The following TFEC variants were observed in gnomAD, a reference collection of about 807,000 sequenced individuals.
TFEC encodes the protein transcription factor EC.
TFEC carries 31 observed loss-of-function variants against 41.6 expected under a neutral mutation model. That is an observed-to-expected ratio of 0.74 (90% CI 0.56 to 1.01). The LOEUF (loss-of-function observed/expected upper bound fraction) is 1.01, where lower values mean the gene tolerates loss of function less well. Ranked by LOEUF, TFEC falls within the 50% of genes least tolerant of loss-of-function variation. The probability of loss-of-function intolerance (pLI) is 0.00; values close to 1 mark genes in which losing one functional copy is unlikely to be tolerated. For missense variants in TFEC, 402 were observed against 404.1 expected (o/e 0.99, Z 0.04); for synonymous variants, 143 against 140.6 (o/e 1.02, Z -0.12).
intron 1 of TFEC, among the ~76,000 whole-genome samples, chr7:116,139,716 A>G (rs1028150193): frequency 1.3e-5 from 2 of 152,194 alleles, no homozygotes; most frequent in Non-Finnish European, 2.9e-5. Flanking sequence ...GTCCTGGAGA[A>G]GAAAGGTTTG....
At position 115,963,818 on chromosome 7, in the gene TFEC, T is replaced by C. The variant is rs191841067; in HGVS notation, c.268-7025A>G. ...ACAGAGTTTTTGTTTGGGATATTGA[T>C]AAAGTTTAGGAAATGGATAGTGGTG... On this transcript the variant is annotated intron_variant, in intron 3 of 7. Transcript: ENST00000265440. 1.3e-4 allele frequency among the ~76,000 whole-genome samples: 19 copies of C among 151,786 alleles called. No homozygotes were observed. The East Asian group carries it at 1.6e-3, about 12-fold the overall frequency.
rs1488123458 is a variant in TFEC, at chr7:115,940,734, T to C, written c.861A>G (p.Ser287=). ...DQAIAFSDPL[S]YFTDLSFSAA... ...CACTAAATGATAAATCTGTGAAGTA[T>C]GACAAAGGATCAGAAAAGGCTATAG... Residue 287 remains serine, a synonymous_variant, in exon 8 of 8, where the codon TCA becomes TCG. Coordinates refer to ENST00000265440, the MANE Select transcript of TFEC (RefSeq NM_012252.4). 1.9e-6 allele frequency: 3 copies of C among 1,613,394 alleles called. No individual in the cohort carries two copies. The highest frequency in any genetic ancestry group is 1.1e-5 in the South Asian group (1 of 91,078).
chr7:115,944,013 A>ATTGTTTTTTTTTTTTTTT (rs1793649235), intron 6 of TFEC, among the ~76,000 whole-genome samples: 1 of 22,830 alleles, frequency 4.4e-5, no homozygotes, highest in African/African-American at 1.2e-4. Flanking sequence ...ACAGGTCTGA[A>ATTGTTTTTTTTTTTTTTT]TTTTTTTTTT....
At chr7:116,045,428 G>A (rs915095833) in intron 3 of TFEC, among the ~76,000 whole-genome samples, 8 of 152,178 alleles carry the variant, frequency 5.3e-5, no homozygotes, top group African/African-American at 1.9e-4. Flanking sequence ...TAGGGACTTG[G>A]TGCCCTGTGT....
rs76676831 is a variant in TFEC, at chr7:115,960,436, A to G, written c.268-3643T>C. Among the ~76,000 whole-genome samples the G allele has an allele frequency of 2.5e-3, 372 of 151,806 alleles. 5 individuals are homozygous for G. The East Asian group carries it at 0.034, about 14-fold the overall frequency. On this transcript the variant is annotated intron_variant, in intron 3 of 7. Coordinates refer to ENST00000265440, the MANE Select transcript of TFEC (RefSeq NM_012252.4). ...GTAGAGATATTTAAAGAATATGCTCAAAAATATAAAATAAAATTGATCGAA... is the reference window on the plus strand; with the variant it reads ...GTAGAGATATTTAAAGAATATGCTCGAAAATATAAAATAAAATTGATCGAA...
chr7:115,975,893 G>A (rs540777700), intron 2 of TFEC, among the ~76,000 whole-genome samples: 1 of 152,092 alleles, frequency 6.6e-6, no homozygotes, highest in Non-Finnish European at 1.5e-5. Context: ...AGTGCGCAAA[G>A]GCAAGAGCGG....
At chr7:116,102,370 C>A (rs2115978333) in intron 3 of TFEC, among the ~76,000 whole-genome samples, 1 of 152,220 alleles carries the variant, frequency 6.6e-6, no homozygotes, top group Non-Finnish European at 1.5e-5. Context: ...AAAAGGGTAT[C>A]AATCATAGTC....
chr7:116,155,999 TC>T (rs1463912839), intron 1 of TFEC, among the ~76,000 whole-genome samples: 1 of 152,226 alleles, frequency 6.6e-6, no homozygotes, highest in African/African-American at 2.4e-5. Flanking sequence ...ATATTATTTA[TC>T]TTGATTTCTG....
intron 1 of TFEC, among the ~76,000 whole-genome samples, chr7:115,985,520 T>C (rs950753010): frequency 6.6e-6 from 1 of 152,138 alleles, no homozygotes; most frequent in African/African-American, 2.4e-5. Context: ...ATTTTTCCTT[T>C]TATTTCAGTT....
intron 1 of TFEC, among the ~76,000 whole-genome samples, chr7:116,141,296 T>C (rs4730712): frequency 0.16 from 23,743 of 152,132 alleles, 1,997 homozygotes; most frequent in East Asian, 0.33. Flanking sequence ...AATTAATATA[T>C]TCTCATGATG....
chr7:116,076,858 A>G (rs1376456983), intron 3 of TFEC, among the ~76,000 whole-genome samples: 5 of 152,150 alleles, frequency 3.3e-5, no homozygotes, highest in African/African-American at 7.2e-5. Context: ...TACTTGAGAA[A>G]ATAATTGAGA....
chr7:116,084,320 C>CATGAT (rs2131066969), intron 3 of TFEC, among the ~76,000 whole-genome samples: 1 of 151,956 alleles, frequency 6.6e-6, no homozygotes, highest in East Asian at 1.9e-4. Context: ...TATAATCTTT[C>CATGAT]CTAAACTCCT....
chr7:116,109,568 G>A (rs1415118644), intron 3 of TFEC, among the ~76,000 whole-genome samples: 1 of 152,160 alleles, frequency 6.6e-6, no homozygotes, highest in Non-Finnish European at 1.5e-5. Context: ...TAAAAAGTCA[G>A]GAAACGACAG....
At chr7:116,072,396 A>G (rs936944283) in intron 3 of TFEC, among the ~76,000 whole-genome samples, 1 of 151,590 alleles carries the variant, frequency 6.6e-6, no homozygotes, top group Non-Finnish European at 1.5e-5. Context: ...AATTGTATGT[A>G]TTTTAATATT....
At chr7:116,129,649 G>A (rs1798290736) in intron 1 of TFEC, among the ~76,000 whole-genome samples, 1 of 139,444 alleles carries the variant, frequency 7.2e-6, no homozygotes. Context: ...TTGGAGTGCA[G>A]TGGTGGGATC....
intron 3 of TFEC, among the ~76,000 whole-genome samples, chr7:116,064,949 A>G (rs1351781437): frequency 1.3e-5 from 2 of 152,172 alleles, no homozygotes; most frequent in South Asian, 2.1e-4. Context: ...ATGGAGATTA[A>G]TTGTCTAAAG....
intron 1 of TFEC, among the ~76,000 whole-genome samples, chr7:116,135,805 G>A (rs967413963): frequency 6.6e-6 from 1 of 151,952 alleles, no homozygotes; most frequent in Non-Finnish European, 1.5e-5. Context: ...AGAGATGAGG[G>A]CTTATAGATA....
At chr7:116,006,056 G>A (rs1794777133) in intron 1 of TFEC, among the ~76,000 whole-genome samples, 1 of 152,232 alleles carries the variant, frequency 6.6e-6, no homozygotes, top group Admixed American at 6.5e-5. Flanking sequence ...TTCAGAGGAT[G>A]TATGGAAATG....
chr7:116,087,468 G>A (rs1412990022), intron 3 of TFEC, among the ~76,000 whole-genome samples: 3 of 151,976 alleles, frequency 2.0e-5, no homozygotes, highest in Non-Finnish European at 4.4e-5. Context: ...GAAAATGTGT[G>A]TAATAGACAA....
Sources: allele counts gnomAD v4.1 joint callset (sites outside exome capture counted in the v4.1 genomes callset), GRCh38; gene constraint gnomAD v4.1.1; transcripts MANE v1.5; gene names NCBI Gene and HGNC (gene_info 2026-07-23, HGNC 2026-07-21).